The following CDH12 variants were observed in gnomAD, a reference collection of about 807,000 sequenced individuals.
CDH12 encodes the protein cadherin 12.
Under a neutral mutation model 74.1 loss-of-function variants are expected in CDH12, and 41 were observed. The ratio of observed to expected loss-of-function variants is 0.55; its 90% CI spans 0.43 to 0.72. CDH12 has a LOEUF of 0.72. Among genes scored for constraint, CDH12 ranks in the 30% least tolerant of loss-of-function variants. CDH12 has a pLI of 0.00. For synonymous variants in CDH12, 399 were observed against 355.0 expected (o/e 1.12, Z -1.39); for missense variants, 945 against 977.2 (o/e 0.97, Z 0.44).
intron 3 of CDH12, among the ~76,000 whole-genome samples, chr5:22,303,050 G>A (rs897912135): frequency 6.6e-6 from 1 of 151,836 alleles, no homozygotes; most frequent in South Asian, 2.1e-4. Context: ...GAGAGCTAGA[G>A]GCAAAAAAAA....
intron 6 of CDH12, among the ~76,000 whole-genome samples, chr5:21,892,919 T>C (rs549806480): frequency 2.6e-4 from 40 of 152,192 alleles, no homozygotes; most frequent in Non-Finnish European, 5.4e-4. Flanking sequence ...AATTTAATAA[T>C]ATGGTATAAT....
chr5:22,209,301 A>T (rs1284767540), intron 4 of CDH12, among the ~76,000 whole-genome samples: 1 of 152,238 alleles, frequency 6.6e-6, no homozygotes, highest in Non-Finnish European at 1.5e-5. Context: ...CTCTGTGGAC[A>T]TATGGGAAAG....
intron 3 of CDH12, among the ~76,000 whole-genome samples, chr5:22,308,845 CAT>C (rs1194635405): frequency 3.5e-5 from 5 of 144,004 alleles, no homozygotes; most frequent in African/African-American, 1.4e-4. Flanking sequence ...CACACACACA[CAT>C]ACACACAGAG....
intron 4 of CDH12, among the ~76,000 whole-genome samples, chr5:22,094,995 G>T (rs1334641903): frequency 1.3e-5 from 2 of 152,156 alleles, no homozygotes; most frequent in African/African-American, 4.8e-5. Flanking sequence ...CCTGTGCCCA[G>T]GTGATTAAAA....
chr5:21,808,557 G>T (rs1322667024), intron 9 of CDH12, among the ~76,000 whole-genome samples: 1 of 151,900 alleles, frequency 6.6e-6, no homozygotes, highest in African/African-American at 2.4e-5. Context: ...TCTAAGACAA[G>T]CAGTTAGAAA....
At chr5:22,204,162 G>GGTTTTTTTTTT (rs1554020485) in intron 4 of CDH12, among the ~76,000 whole-genome samples, 13 of 129,894 alleles carry the variant, frequency 1.0e-4, no homozygotes, top group Non-Finnish European at 1.7e-4. Flanking sequence ...TGTTTTGTTT[G>GGTTTTTTTTTT]TTTTTTTTTT....
At chr5:22,187,740 AT>A (rs1251725134) in intron 4 of CDH12, among the ~76,000 whole-genome samples, 3 of 151,414 alleles carry the variant, frequency 2.0e-5, no homozygotes, top group Non-Finnish European at 4.4e-5. Flanking sequence ...TTCTTATTCC[AT>A]TTTACTGAAG....
chr5:21,973,506 G>T (rs1156914663), intron 6 of CDH12, among the ~76,000 whole-genome samples: 1 of 152,126 alleles, frequency 6.6e-6, no homozygotes, highest in Non-Finnish European at 1.5e-5. Context: ...CTCCAACTCT[G>T]CAGCCCTAGT....
At chr5:22,254,533 T>C (rs1357208367) in intron 3 of CDH12, among the ~76,000 whole-genome samples, 1 of 151,828 alleles carries the variant, frequency 6.6e-6, no homozygotes, top group Non-Finnish European at 1.5e-5. Context: ...ATTGCCATTC[T>C]ACAATGCAAT....
At chr5:22,425,158 T>TATATATATATAAAA (rs1554039881) in intron 2 of CDH12, among the ~76,000 whole-genome samples, 44 of 132,434 alleles carry the variant, frequency 3.3e-4, no homozygotes, top group African/African-American at 1.0e-3. Flanking sequence ...TGTGTGTATA[T>TATATATATATAAAA]ATATATATAT....
At chr5:22,278,181 A>G (rs771008688) in intron 3 of CDH12, 1 of 152,236 alleles carries the variant, frequency 6.6e-6, no homozygotes, top group Admixed American at 6.5e-5. Context: ...AAAATAAATT[A>G]TCATAGAAAT....
At chr5:22,540,240 T>C (rs1561478753) in intron 1 of CDH12, among the ~76,000 whole-genome samples, 1 of 152,072 alleles carries the variant, frequency 6.6e-6, no homozygotes, top group Non-Finnish European at 1.5e-5. Flanking sequence ...TGCATATTTA[T>C]ATATATAAAG....
intron 1 of CDH12, among the ~76,000 whole-genome samples, chr5:22,616,557 G>T (rs77497886): frequency 0.13 from 19,032 of 151,928 alleles, 1,911 homozygotes; most frequent in Admixed American, 0.32. Flanking sequence ...TCTGTTGGAG[G>T]TATTTAAAAA....
At chr5:21,964,769 G>A (rs1756509834) in intron 6 of CDH12, among the ~76,000 whole-genome samples, 1 of 151,868 alleles carries the variant, frequency 6.6e-6, no homozygotes, top group Non-Finnish European at 1.5e-5. Context: ...TTATATTTAA[G>A]CAGCCATTTG....
intron 3 of CDH12, among the ~76,000 whole-genome samples, chr5:22,321,427 A>G (rs375359093): frequency 7.2e-6 from 1 of 138,386 alleles, no homozygotes; most frequent in African/African-American, 2.7e-5. Context: ...TCTCACTCAT[A>G]GGTGGGAATT....
chr5:22,437,300 T>C (rs115362497), intron 2 of CDH12, among the ~76,000 whole-genome samples: 1,575 of 151,874 alleles, frequency 0.01, 22 homozygotes, highest in African/African-American at 0.037. Context: ...AATATAATAA[T>C]CAATTCACTC....
chr5:22,093,503 AAAG>A (rs1278582251), intron 4 of CDH12, among the ~76,000 whole-genome samples: 2 of 152,242 alleles, frequency 1.3e-5, no homozygotes, highest in East Asian at 3.8e-4. Flanking sequence ...TTTGCAAATG[AAAG>A]AAGTCAGTTA....
intron 10 of CDH12, among the ~76,000 whole-genome samples, chr5:21,799,296 G>C (rs1482816496): frequency 1.3e-5 from 2 of 152,104 alleles, no homozygotes; most frequent in African/African-American, 4.8e-5. Flanking sequence ...AGTGTTAAAG[G>C]AGTAGCTTGG....
At chr5:22,698,208 G>A (rs1180781752) in intron 1 of CDH12, among the ~76,000 whole-genome samples, 4 of 131,756 alleles carry the variant, frequency 3.0e-5, no homozygotes, top group African/African-American at 1.2e-4. Context: ...TGCAACCTCT[G>A]CCTCCTGGGT....
Sources: allele counts gnomAD v4.1 joint callset (sites outside exome capture counted in the v4.1 genomes callset), GRCh38; gene constraint gnomAD v4.1.1; transcripts MANE v1.5; gene names NCBI Gene and HGNC (gene_info 2026-07-23, HGNC 2026-07-21).